The following JAKMIP3 variants were observed in gnomAD, a reference collection of about 807,000 sequenced individuals.
The protein encoded by JAKMIP3 is Janus kinase and microtubule interacting protein 3.
Under a neutral mutation model 118.5 loss-of-function variants are expected in JAKMIP3, and 58 were observed. The ratio of observed to expected loss-of-function variants is 0.49; its 90% CI spans 0.40 to 0.61. JAKMIP3 has a LOEUF of 0.61. Ranked by LOEUF, JAKMIP3 falls within the 20% of genes least tolerant of loss-of-function variation. JAKMIP3 has a pLI of 0.00. For missense variants in JAKMIP3, 950 were observed against 1,109.0 expected, an observed-to-expected ratio of 0.86 and a Z score of 2.04; for synonymous variants, 486 against 451.2, an observed-to-expected ratio of 1.08 and a Z score of -0.98.
rs1428553258 is a variant in JAKMIP3 at position 132,112,545 on chromosome 10, T to C, written c.136-4532T>C. The stretch of plus-strand genomic sequence containing the variant: ...TTCAATTGTATTCTTTTCTTCAGTG[T>C]TTTTGTCTACAAAGTCCCGCTTGGC... On this transcript the variant is annotated intron_variant, in intron 2 of 23. Coordinates refer to ENST00000684848, the MANE Select transcript of JAKMIP3 (RefSeq NM_001323087.2). The surrounding 1 kb of genome is among the most constrained non-coding windows in gnomAD (Gnocchi z 4.3). Among the ~76,000 whole-genome samples, 1 of 152,218 alleles carries C rather than the reference T, an allele frequency of 6.6e-6. No homozygotes were observed. The highest frequency in any genetic ancestry group is 1.5e-5 in the Non-Finnish European group (1 of 68,030).
intron 20 of JAKMIP3, 129 bp downstream of exon 20, chr10:132,163,541 C>G: frequency 1.3e-6 from 1 of 760,622 alleles, no homozygotes; most frequent in Non-Finnish European, 2.1e-6. Flanking sequence ...AGTGGCCACA[C>G]CCCTCATAAC....
chr10:132,097,903 T>TTCCCCTTTCCTTCCTTCCTTTTCTTCTC (rs1554928101), intron 1 of JAKMIP3, among the ~76,000 whole-genome samples: 1 of 72,874 alleles, frequency 1.4e-5, no homozygotes, highest in Non-Finnish European at 3.0e-5. Flanking sequence ...CCCCTTCCCC[T>TTCCCCTTTCCTTCCTTCCTTTTCTTCTC]TCCCCTTCCC....
chr10:132,079,666 C>A (rs2041457274), intron 1 of JAKMIP3, among the ~76,000 whole-genome samples: 1 of 152,190 alleles, frequency 6.6e-6, no homozygotes, highest in African/African-American at 2.4e-5. Context: ...GAAGTATATT[C>A]ACATTATTGT....
chr10:132,168,668 G>A lies in JAKMIP3; in HGVS notation c.*738G>A, dbSNP rs980140231. ...CCTGAGACAGGAAGGCCAAGATCCC[G>A]CCCAAGCCGCCAGCTGGGAGCACCG... On this transcript the variant is annotated 3_prime_UTR_variant, in exon 23 of 24. Coordinates refer to ENST00000684848, the MANE Select transcript of JAKMIP3 (RefSeq NM_001323087.2). 1.5e-5 allele frequency: 5 copies of A among 323,786 alleles called. No homozygotes were observed. The highest frequency in any genetic ancestry group is 2.4e-5 in the Non-Finnish European group (4 of 167,224). 20.1% of individuals were successfully genotyped at this position (323,786 alleles called of 1,614,324 possible).
At chr10:132,180,185 G>C (rs1457440443) in intron 23 of JAKMIP3, among the ~76,000 whole-genome samples, 1 of 152,182 alleles carries the variant, frequency 6.6e-6, no homozygotes, top group Non-Finnish European at 1.5e-5. Flanking sequence ...GCCAGCCAAT[G>C]GCCACCGTTG....
chr10:132,139,186 ATG>A (rs530600418), intron 9 of JAKMIP3, among the ~76,000 whole-genome samples: 15,883 of 92,596 alleles, frequency 0.17, 1,477 homozygotes, highest in East Asian at 0.46. Flanking sequence ...GTGTCTGTGT[ATG>A]TGTGTGTATG....
chr10:132,067,192 C>T (rs1471780130), intron 1 of JAKMIP3, among the ~76,000 whole-genome samples: 3 of 150,466 alleles, frequency 2.0e-5, no homozygotes, highest in African/African-American at 7.4e-5. Context: ...CCTAAGAGTC[C>T]CACAGAGTAG....
Position 132,124,244 on chromosome 10 carries a change from C to T in JAKMIP3, c.633+6670C>T, listed in dbSNP as rs568711819. Among the ~76,000 whole-genome samples the T allele has an allele frequency of 4.2e-3, 640 of 152,358 alleles. 3 individuals carry two copies. Among genetic ancestry groups the T allele is most frequent in the Admixed American group, 0.015 (232 of 15,312 alleles). On this transcript the variant is annotated intron_variant, in intron 3 of 23. Coordinates refer to ENST00000684848, the MANE Select transcript of JAKMIP3 (RefSeq NM_001323087.2). ...TTTGCCCGCCCCGGTGCGTCACAGC[C>T]GAGCCGGCCACATCACCTACATCCA...
chr10:132,156,525 G>A (rs946566301), intron 19 of JAKMIP3, among the ~76,000 whole-genome samples: 1 of 152,178 alleles, frequency 6.6e-6, no homozygotes, highest in Non-Finnish European at 1.5e-5. Flanking sequence ...TGTTCCATCT[G>A]CCTGGGGCGC....
intron 3 of JAKMIP3, among the ~76,000 whole-genome samples, chr10:132,127,409 T>TGTGTGTGTGTGC (rs1554941605): frequency 6.6e-6 from 1 of 150,976 alleles, no homozygotes; most frequent in Non-Finnish European, 1.5e-5. Context: ...TGTGTGTGTG[T>TGTGTGTGTGTGC]GTGTGTGTGC....
chr10:132,079,190 G>A (rs1181893723), intron 1 of JAKMIP3, among the ~76,000 whole-genome samples: 3 of 139,446 alleles, frequency 2.2e-5, no homozygotes, highest in East Asian at 5.4e-4. Context: ...TGTGGACCCC[G>A]GTAGCCTCGC....
chr10:132,041,210 C>A (rs995851265), intron 1 of JAKMIP3, among the ~76,000 whole-genome samples: 1 of 152,218 alleles, frequency 6.6e-6, no homozygotes, highest in African/African-American at 2.4e-5. Flanking sequence ...TGTGTGCCAC[C>A]ATGTCCAGCT....
chr10:132,157,983 G>A (rs7908899), intron 19 of JAKMIP3, among the ~76,000 whole-genome samples: 28,379 of 151,990 alleles, frequency 0.19, 6,024 homozygotes, highest in East Asian at 0.57. Context: ...AAAAATTCCA[G>A]TGTTTTCTTT....
intron 19 of JAKMIP3, among the ~76,000 whole-genome samples, chr10:132,157,429 A>G (rs2057228782): frequency 6.6e-6 from 1 of 152,208 alleles, no homozygotes; most frequent in Non-Finnish European, 1.5e-5. Context: ...TATCACCAGC[A>G]AAACAGCAAT....
At chr10:132,167,654 TC>T (rs2059042649) in intron 22 of JAKMIP3, among the ~76,000 whole-genome samples, 1 of 152,168 alleles carries the variant, frequency 6.6e-6, no homozygotes, top group South Asian at 2.1e-4. Flanking sequence ...GCCTCGGTCC[TC>T]GAGTCTGCAC....
intron 13 of JAKMIP3, among the ~76,000 whole-genome samples, chr10:132,146,509 C>T (rs772944337): frequency 2.0e-4 from 31 of 152,210 alleles, no homozygotes; most frequent in Middle Eastern, 3.4e-3. Context: ...GTCATTACCA[C>T]GCACAGGTGA....
intron 21 of JAKMIP3, among the ~76,000 whole-genome samples, chr10:132,166,146 A>G (rs1013824339): frequency 2.6e-5 from 4 of 152,142 alleles, no homozygotes; most frequent in African/African-American, 9.7e-5. Context: ...CAACATAGTG[A>G]GACCCTGTCT....
In JAKMIP3 at chr10:132,136,086, TG is replaced by T. The variant is rs748801703; in HGVS notation, c.1116+16del. The T allele has an allele frequency of 2.5e-6, 4 of 1,606,750 alleles. No homozygotes were observed. In the African/African-American group the frequency reaches 4.0e-5, roughly 16 times the overall value. On this transcript the variant is annotated intron_variant, in intron 6 of 23. Transcript: ENST00000684848. Reference sequence around the variant, plus strand: ...GGAGAACATAGAAATGGTGAGGGGGTGGGGGGCTCCACGGGGCCACGGTCGC... The same window carrying T: ...GGAGAACATAGAAATGGTGAGGGGGTGGGGGCTCCACGGGGCCACGGTCGC...
At chr10:132,142,908 G>A (rs1255146756) in intron 11 of JAKMIP3, among the ~76,000 whole-genome samples, 2 of 152,166 alleles carry the variant, frequency 1.3e-5, no homozygotes, top group East Asian at 3.9e-4. Flanking sequence ...ACTTAGGGTG[G>A]CTGAGCTGGG....
Sources: allele counts gnomAD v4.1 joint callset (sites outside exome capture counted in the v4.1 genomes callset), GRCh38; gene constraint gnomAD v4.1.1; non-coding constraint Gnocchi (gnomAD v3.1); transcripts MANE v1.5; gene names NCBI Gene and HGNC (gene_info 2026-07-23, HGNC 2026-07-21).